CCDC178: variants seen among roughly 807,000 people sequenced by gnomAD.
The protein encoded by CCDC178 is coiled-coil domain-containing protein 178.
CCDC178 carries 126 observed loss-of-function variants against 117.4 expected under a neutral mutation model. The ratio of observed to expected loss-of-function variants is 1.07; its 90% confidence interval spans 0.93 to 1.24. The LOEUF is 1.24. Among genes scored for constraint, CCDC178 ranks in the 50% most tolerant of loss-of-function variants. The probability of loss-of-function intolerance (pLI) is 0.00; values close to 1 mark genes in which losing one functional copy is unlikely to be tolerated. For synonymous variants in CCDC178, 283 were observed against 313.4 expected (o/e 0.90, Z 1.02); for missense variants, 1,030 against 986.9 (o/e 1.04, Z -0.59).
At chr18:33,323,738 C>T (rs2062548686) in intron 10 of CCDC178, 105 bp from the exon 11 acceptor site, 6 of 653,258 alleles carry the variant, frequency 9.2e-6, no homozygotes, top group Non-Finnish European at 1.3e-5. Flanking sequence ...TCTTTAGAAA[C>T]ATTTTCTTCC....
At chr18:33,392,391 T>C (rs1344739635) in intron 4 of CCDC178, among the ~76,000 whole-genome samples, 1 of 152,200 alleles carries the variant, frequency 6.6e-6, no homozygotes, top group Non-Finnish European at 1.5e-5. Context: ...CAGTATTATC[T>C]TTGAACTTTA....
chr18:33,299,177 A>G (rs373706406), intron 11 of CCDC178, among the ~76,000 whole-genome samples: 14 of 152,258 alleles, frequency 9.2e-5, no homozygotes, highest in East Asian at 3.9e-4. Flanking sequence ...GCAAAACAAC[A>G]AAGCTGGAGG....
chr18:33,440,624 G>A (rs894896732), intron 1 of CCDC178, 29 bp downstream of exon 1: 1 of 150,564 alleles, frequency 6.6e-6, no homozygotes, highest in African/African-American at 2.5e-5. Flanking sequence ...ACAAGCGCCC[G>A]CGCCGAGGCA....
chr18:33,278,266 T>C (rs946301106), intron 12 of CCDC178, among the ~76,000 whole-genome samples: 6 of 145,608 alleles, frequency 4.1e-5, no homozygotes, highest in African/African-American at 1.5e-4. Context: ...TACATACACA[T>C]ATATATACAC....
Position 33,118,102 on chromosome 18 carries a change from G to C in CCDC178, c.2239-25192C>G, listed in dbSNP as rs1331295972. The stretch of plus-strand genomic sequence containing the variant: ...CTAGTGAATTCACTCCATAGTAAAT[G>C]AAATGTATTGATAGGCCAATGCTCA... On this transcript the variant is annotated intron_variant, in intron 20 of 22. Coordinates refer to ENST00000383096, the MANE Select transcript of CCDC178 (RefSeq NM_001105528.4). 2.0e-5 allele frequency among the ~76,000 whole-genome samples: 3 copies of C among 152,068 alleles called. No individual in the cohort carries two copies. The East Asian group carries it at 5.8e-4, about 30-fold the overall frequency.
In CCDC178 at chr18:33,323,576, C is replaced by A; in HGVS notation, c.937G>T (p.Glu313Ter). Reference sequence around the variant, plus strand: ...TGCTGAGCCTTCAATCTGGCATTTTCACAGGCTTCTAAAGCTTCTTCAAGT... The same window carrying A: ...TGCTGAGCCTTCAATCTGGCATTTTAACAGGCTTCTAAAGCTTCTTCAAGT... ...EELEEALEAC[E>*]NARLKAQQIK... The change falls in exon 11 of 23, where the codon GAA (glutamate) becomes TAA (stop). Residue 313 changes from glutamate (E) to a stop codon, truncating the protein, a stop_gained. Coordinates refer to ENST00000383096, the MANE Select transcript of CCDC178 (RefSeq NM_001105528.4). LOFTEE classifies it high-confidence loss of function. 1 of 1,571,728 alleles carries A rather than the reference C, an allele frequency of 6.4e-7. No individual in the cohort carries two copies. Among genetic ancestry groups the A allele is most frequent in the East Asian group, 2.3e-5 (1 of 42,878 alleles).
intron 15 of CCDC178, among the ~76,000 whole-genome samples, chr18:33,233,381 A>G (rs772203138): frequency 3.3e-5 from 5 of 152,112 alleles, no homozygotes; most frequent in Admixed American, 6.6e-5. Flanking sequence ...TAAAATTGGG[A>G]TAACACTTTT....
At chr18:33,363,409 G>A (rs1250464078) in intron 6 of CCDC178, among the ~76,000 whole-genome samples, 1 of 151,990 alleles carries the variant, frequency 6.6e-6, no homozygotes, top group African/African-American at 2.4e-5. Flanking sequence ...AGAAATGAAA[G>A]TACCTCTGGA....
chr18:32,962,150 T>C (rs908462195), intron 22 of CCDC178, among the ~76,000 whole-genome samples: 2 of 152,042 alleles, frequency 1.3e-5, no homozygotes, highest in Admixed American at 6.6e-5. Context: ...TCATTTTATA[T>C]TTAAGACTTG....
At chr18:33,278,790 G>A (rs57466703) in intron 12 of CCDC178, among the ~76,000 whole-genome samples, 10,468 of 152,116 alleles carry the variant, frequency 0.069, 557 homozygotes, top group African/African-American at 0.14. Flanking sequence ...GGGATGCAAG[G>A]CTGGTTCAAT....
At chr18:33,235,489 G>C (rs1278574909) in intron 15 of CCDC178, among the ~76,000 whole-genome samples, 1 of 152,094 alleles carries the variant, frequency 6.6e-6, no homozygotes, top group African/African-American at 2.4e-5. Context: ...GCACAGTTTT[G>C]TGAATGTTAA....
At chr18:33,028,136 T>C (rs914407100) in intron 21 of CCDC178, among the ~76,000 whole-genome samples, 4 of 151,426 alleles carry the variant, frequency 2.6e-5, no homozygotes, top group Admixed American at 1.3e-4. Context: ...AGGAAGGAAA[T>C]AATAAAGCTC....
chr18:33,356,472 A>C, intron 6 of CCDC178, 126 bp from the exon 7 acceptor site: 1 of 1,012,766 alleles, frequency 9.9e-7, no homozygotes, highest in Non-Finnish European at 1.3e-6. Context: ...TTGTGTACTT[A>C]TACTCTCGGT....
At chr18:33,287,173 A>C (rs1162871188) in intron 12 of CCDC178, among the ~76,000 whole-genome samples, 3 of 152,188 alleles carry the variant, frequency 2.0e-5, no homozygotes, top group African/African-American at 7.2e-5. Context: ...TTAAAAAAAA[A>C]ATCATTTTAA....
chr18:33,041,936 C>T (rs1031330887), intron 21 of CCDC178, among the ~76,000 whole-genome samples: 19 of 151,968 alleles, frequency 1.3e-4, no homozygotes, highest in African/African-American at 2.9e-4. Context: ...CACTACAGTT[C>T]ACACTCATTT....
chr18:33,371,533 G>A (rs2063300038), intron 5 of CCDC178, among the ~76,000 whole-genome samples: 1 of 151,902 alleles, frequency 6.6e-6, no homozygotes, highest in Admixed American at 6.6e-5. Context: ...CCTGGTTATG[G>A]AGTATAAGCT....
intron 7 of CCDC178, among the ~76,000 whole-genome samples, chr18:33,351,327 G>A (rs1185031335): frequency 6.6e-6 from 1 of 152,030 alleles, no homozygotes; most frequent in African/African-American, 2.4e-5. Context: ...CAAGTAGCTA[G>A]GATTACAGGC....
At chr18:32,998,311 C>G (rs9951132) in intron 21 of CCDC178, among the ~76,000 whole-genome samples, 1 of 152,166 alleles carries the variant, frequency 6.6e-6, no homozygotes, top group Admixed American at 6.5e-5. Flanking sequence ...TCATTTATCT[C>G]AGCAATCAGA....
At position 33,352,729 on chromosome 18, in the gene CCDC178, C is replaced by T. The variant is rs529025394; in HGVS notation, c.371+3595G>A. ...ACATATATATGAAATTTCCAGTTTT[C>T]CATTTGTTATTGATTTCCAGTTTCA... On this transcript the variant is annotated intron_variant, in intron 7 of 22. Coordinates refer to ENST00000383096, the MANE Select transcript of CCDC178 (RefSeq NM_001105528.4). Among the ~76,000 whole-genome samples, 14 of 152,118 alleles carry T rather than the reference C, an allele frequency of 9.2e-5. No homozygotes were observed. In the East Asian group the frequency reaches 2.7e-3, roughly 29 times the overall value.
Sources: gnomAD v4.1 joint callset for allele counts (sites outside exome capture counted in the v4.1 genomes callset) on GRCh38, gnomAD v4.1.1 for gene constraint, MANE v1.5 for transcripts, NCBI Gene and HGNC (gene_info 2026-07-23, HGNC 2026-07-21) for gene names.